SPRR2G: variants seen among roughly 807,000 people sequenced by gnomAD.
SPRR2G encodes the protein small proline-rich protein 2G.
Under a neutral mutation model 0.7 loss-of-function variants are expected in SPRR2G, and 1 was observed. The observed-to-expected ratio is 1.49, with a 90% confidence interval of 0.53 to 7.06. The LOEUF (loss-of-function observed/expected upper bound fraction) is 7.06, where lower values mean the gene tolerates loss of function less well. Ranked by LOEUF, SPRR2G falls within the 30% of genes most tolerant of loss-of-function variation. The probability of loss-of-function intolerance (pLI) is 0.14; values close to 1 mark genes in which losing one functional copy is unlikely to be tolerated. For missense variants in SPRR2G, 96 were observed against 88.5 expected (o/e 1.09, Z -0.34); for synonymous variants, 38 against 33.9 (o/e 1.12, Z -0.42).
At chr1:153,156,668 A>T in the SPRR2G span, among the ~76,000 whole-genome samples, 26 of 152,136 alleles carry the variant, frequency 1.7e-4, no homozygotes, top group Non-Finnish European at 3.2e-4. Context: ...TGAACCAGAT[A>T]ATGGATAAAG....
At chr1:153,201,099 C>T in the SPRR2G span, among the ~76,000 whole-genome samples, 5 of 152,188 alleles carry the variant, frequency 3.3e-5, no homozygotes, top group African/African-American at 1.2e-4. Flanking sequence ...CTTCTTCCAG[C>T]CTCTCGTGGA....
the SPRR2G span, among the ~76,000 whole-genome samples, chr1:153,168,217 A>G: frequency 5.3e-3 from 805 of 152,368 alleles, 11 homozygotes; most frequent in Middle Eastern, 0.02. Context: ...TCCATAGAAG[A>G]ACCTCCTAGA....
the SPRR2G span, among the ~76,000 whole-genome samples, chr1:153,199,831 AAAGGG>A: frequency 6.6e-6 from 1 of 152,174 alleles, no homozygotes; most frequent in South Asian, 2.1e-4. Flanking sequence ...ATTCCAAGAG[AAAGGG>A]AAGAGCCAGC....
At chr1:153,187,611 T>C in the SPRR2G span, among the ~76,000 whole-genome samples, 1 of 152,124 alleles carries the variant, frequency 6.6e-6, no homozygotes, top group East Asian at 1.9e-4. Flanking sequence ...TAGCCTTTTA[T>C]CAAGGTTCTT....
At chr1:153,202,553 G>C in the SPRR2G span, among the ~76,000 whole-genome samples, 1 of 152,282 alleles carries the variant, frequency 6.6e-6, no homozygotes, top group African/African-American at 2.4e-5. Flanking sequence ...TGCACAGTCA[G>C]TAAATAAGTC....
At chr1:153,186,529 A>C in the SPRR2G span, among the ~76,000 whole-genome samples, 1 of 152,036 alleles carries the variant, frequency 6.6e-6, no homozygotes, top group Non-Finnish European at 1.5e-5. Context: ...AGAGACTAGA[A>C]TTGCAATCCC....
the SPRR2G span, among the ~76,000 whole-genome samples, chr1:153,172,189 C>T: frequency 1.3e-5 from 2 of 152,104 alleles, no homozygotes; most frequent in Non-Finnish European, 2.9e-5. Flanking sequence ...ATCAACACTC[C>T]CTGACTGAAA....
chr1:153,181,198 A>T, the SPRR2G span, among the ~76,000 whole-genome samples: 1 of 152,100 alleles, frequency 6.6e-6, no homozygotes, highest in Admixed American at 6.6e-5. Context: ...AATCTTTCCT[A>T]TTGACAAGAT....
chr1:153,189,690 A>G, the SPRR2G span, among the ~76,000 whole-genome samples: 2 of 152,208 alleles, frequency 1.3e-5, no homozygotes, highest in South Asian at 4.1e-4. Context: ...AACACATAAG[A>G]TGGGCCATGA....
the SPRR2G span, among the ~76,000 whole-genome samples, chr1:153,163,145 G>T: frequency 1.3e-5 from 2 of 152,160 alleles, no homozygotes; most frequent in African/African-American, 4.8e-5. Flanking sequence ...ACAGTGTATT[G>T]TGACAGACAA....
At chr1:153,199,230 C>T in the SPRR2G span, among the ~76,000 whole-genome samples, 35 of 152,122 alleles carry the variant, frequency 2.3e-4, no homozygotes, top group Non-Finnish European at 8.8e-5. Context: ...GGAGGGAAAA[C>T]TGGCTGTCCA....
the SPRR2G span, chr1:153,191,153 C>A: frequency 6.6e-6 from 1 of 152,302 alleles, no homozygotes; most frequent in East Asian, 1.9e-4. Flanking sequence ...TCCAGACCCA[C>A]CTCTACATGA....
At chr1:153,182,552 C>A in the SPRR2G span, among the ~76,000 whole-genome samples, 3 of 152,048 alleles carry the variant, frequency 2.0e-5, no homozygotes, top group African/African-American at 7.2e-5. Flanking sequence ...ATTCCACCAC[C>A]CCTGACAGGT....
chr1:153,196,261 A>G, the SPRR2G span, among the ~76,000 whole-genome samples: 30 of 152,286 alleles, frequency 2.0e-4, no homozygotes, highest in African/African-American at 7.0e-4. Context: ...ACAGCCTTTG[A>G]TTTAATGAAT....
the SPRR2G span, among the ~76,000 whole-genome samples, chr1:153,183,068 C>CT: frequency 8.1e-3 from 1,123 of 138,860 alleles, 5 homozygotes; most frequent in Admixed American, 0.014. Flanking sequence ...CTTTTTTTTT[C>CT]TTTTTTTTTT....
At chr1:153,195,195 G>C in the SPRR2G span, among the ~76,000 whole-genome samples, 3,193 of 152,128 alleles carry the variant, frequency 0.021, 158 homozygotes, top group Admixed American at 0.11. Flanking sequence ...TCCCTTCCCC[G>C]CAGCATCTAG....
chr1:153,158,725 C>T, the SPRR2G span, among the ~76,000 whole-genome samples: 1 of 152,212 alleles, frequency 6.6e-6, no homozygotes, highest in Non-Finnish European at 1.5e-5. Context: ...AGGGCTCCAT[C>T]CCTGCAGCAG....
the SPRR2G span, among the ~76,000 whole-genome samples, chr1:153,193,206 C>T: frequency 2.0e-5 from 3 of 152,096 alleles, no homozygotes; most frequent in Admixed American, 6.5e-5. Context: ...GACAGAATCC[C>T]CTCTACATCA....
At chr1:153,187,318 C>T in the SPRR2G span, among the ~76,000 whole-genome samples, 5 of 152,134 alleles carry the variant, frequency 3.3e-5, no homozygotes, top group Non-Finnish European at 5.9e-5. Flanking sequence ...CCATTCTCCC[C>T]GTCACTTTCA....
Sources: allele counts gnomAD v4.1 joint callset (sites outside exome capture counted in the v4.1 genomes callset), GRCh38; gene constraint gnomAD v4.1.1; transcripts MANE v1.5; gene names NCBI Gene and HGNC (gene_info 2026-07-23, HGNC 2026-07-21).